GALNT13: variants seen among roughly 807,000 people sequenced by gnomAD.
GALNT13 encodes the protein UDP-GalNAc:polypeptide N-acetylgalactosaminyltransferase 13.
In GALNT13, 28 loss-of-function variants were observed where a neutral mutation model predicts 64.2. The ratio of observed to expected loss-of-function variants is 0.44; its 90% CI spans 0.32 to 0.60. The LOEUF is 0.60. Ranked by LOEUF, GALNT13 falls within the 20% of genes least tolerant of loss-of-function variation. The probability of loss-of-function intolerance (pLI) is 0.05; values close to 1 mark genes in which losing one functional copy is unlikely to be tolerated. For missense variants in GALNT13, 577 were observed against 669.8 expected, an observed-to-expected ratio of 0.86 and a Z score of 1.53; for synonymous variants, 214 against 224.6, an observed-to-expected ratio of 0.95 and a Z score of 0.42.
the GALNT13 span, among the ~76,000 whole-genome samples, chr2:153,365,774 G>A: frequency 1.3e-5 from 2 of 152,192 alleles, no homozygotes; most frequent in South Asian, 4.2e-4. Flanking sequence ...GGAGAAATAG[G>A]AACACTTACA....
chr2:154,180,139 C>T (rs1685874458), intron 4 of GALNT13, among the ~76,000 whole-genome samples: 2 of 152,128 alleles, frequency 1.3e-5, no homozygotes, highest in African/African-American at 4.8e-5. Flanking sequence ...GCATTGTAGG[C>T]ATCAGTGCCT....
chr2:153,861,836 C>T, the GALNT13 span, among the ~76,000 whole-genome samples: 1 of 152,110 alleles, frequency 6.6e-6, no homozygotes, highest in African/African-American at 2.4e-5. Flanking sequence ...GCCTCAGCAT[C>T]CCAAAGCACT....
intron 3 of GALNT13, among the ~76,000 whole-genome samples, chr2:154,057,666 A>T (rs1220258126): frequency 6.6e-6 from 1 of 152,202 alleles, no homozygotes; most frequent in Non-Finnish European, 1.5e-5. Context: ...GAGCAGCAAC[A>T]AAAGAGAGCA....
At chr2:153,238,956 G>A in the GALNT13 span, among the ~76,000 whole-genome samples, 1 of 151,968 alleles carries the variant, frequency 6.6e-6, no homozygotes, top group Non-Finnish European at 1.5e-5. Context: ...TAACAATATT[G>A]ATCCTTCCAA....
At chr2:153,914,281 C>T (rs374904451) in intron 2 of GALNT13, among the ~76,000 whole-genome samples, 1 of 151,948 alleles carries the variant, frequency 6.6e-6, no homozygotes, top group Non-Finnish European at 1.5e-5. Context: ...GTCAGGAGTT[C>T]GAGACCAGTC....
chr2:154,212,975 G>A (rs186126926), intron 4 of GALNT13, among the ~76,000 whole-genome samples: 5 of 152,120 alleles, frequency 3.3e-5, no homozygotes, highest in African/African-American at 9.7e-5. Context: ...CATTTGGGAT[G>A]TGGAAATCAA....
chr2:153,080,512 C>T, the GALNT13 span, among the ~76,000 whole-genome samples: 1 of 151,890 alleles, frequency 6.6e-6, no homozygotes, highest in African/African-American at 2.4e-5. Flanking sequence ...TGTATTAGTT[C>T]TAATTTTGGT....
the GALNT13 span, among the ~76,000 whole-genome samples, chr2:153,652,780 T>C: frequency 6.6e-6 from 1 of 152,190 alleles, no homozygotes; most frequent in African/African-American, 2.4e-5. Flanking sequence ...CTTCACCATC[T>C]GATGCAGAAT....
the GALNT13 span, among the ~76,000 whole-genome samples, chr2:153,245,790 A>T: frequency 6.6e-6 from 1 of 152,116 alleles, no homozygotes; most frequent in African/African-American, 2.4e-5. Flanking sequence ...AACTGGATGG[A>T]GAATGAGATT....
intron 2 of GALNT13, among the ~76,000 whole-genome samples, chr2:153,911,263 A>G (rs895092105): frequency 3.3e-5 from 5 of 152,110 alleles, no homozygotes. Flanking sequence ...TTTGCTTGGT[A>G]GACATTTCCC....
At chr2:153,224,222 C>T in the GALNT13 span, among the ~76,000 whole-genome samples, 2 of 151,922 alleles carry the variant, frequency 1.3e-5, no homozygotes, top group Non-Finnish European at 2.9e-5. Flanking sequence ...AACAGAAAAC[C>T]CAATACCTCA....
At chr2:153,653,590 A>G in the GALNT13 span, among the ~76,000 whole-genome samples, 6 of 152,186 alleles carry the variant, frequency 3.9e-5, no homozygotes, top group Admixed American at 1.3e-4. Flanking sequence ...TTGGTTTCCA[A>G]TGACCAAAGC....
chr2:153,769,408 C>T, the GALNT13 span, among the ~76,000 whole-genome samples: 1 of 152,048 alleles, frequency 6.6e-6, no homozygotes, highest in South Asian at 2.1e-4. Flanking sequence ...TAAAAATGAC[C>T]TCCTAAGCTA....
the GALNT13 span, among the ~76,000 whole-genome samples, chr2:153,825,208 T>C: frequency 1.3e-5 from 2 of 152,204 alleles, no homozygotes; most frequent in African/African-American, 4.8e-5. Context: ...AAGTCAAAGA[T>C]GCTGCTTAAT....
chr2:153,496,993 CAAAAAAA>C, the GALNT13 span, among the ~76,000 whole-genome samples: 443 of 90,860 alleles, frequency 4.9e-3, 4 homozygotes, highest in South Asian at 0.023. Flanking sequence ...GATTTTGTCT[CAAAAAAA>C]AAAAAAAAAA....
chr2:154,176,745 T>G (rs1685678299), intron 4 of GALNT13, among the ~76,000 whole-genome samples: 3 of 152,314 alleles, frequency 2.0e-5, no homozygotes, highest in Admixed American at 1.3e-4. Context: ...ATGGCTATTG[T>G]GCTATCCATA....
chr2:154,067,103 G>T (rs1212314723), intron 3 of GALNT13, among the ~76,000 whole-genome samples: 3 of 151,932 alleles, frequency 2.0e-5, no homozygotes, highest in African/African-American at 7.2e-5. Context: ...TGGGTTATAA[G>T]ATATTACTTG....
intron 3 of GALNT13, among the ~76,000 whole-genome samples, chr2:154,029,108 T>A (rs72995306): frequency 0.01 from 1,545 of 151,810 alleles, 30 homozygotes; most frequent in African/African-American, 0.035. Flanking sequence ...GAATTTGCAC[T>A]GCAGTCTTTT....
the GALNT13 span, among the ~76,000 whole-genome samples, chr2:153,455,147 C>T: frequency 2.0e-5 from 3 of 152,308 alleles, no homozygotes; most frequent in Middle Eastern, 3.4e-3. Context: ...GTGATGCTTG[C>T]ATTTTTTTCT....
Sources: gnomAD v4.1 joint callset for allele counts (sites outside exome capture counted in the v4.1 genomes callset) on GRCh38, gnomAD v4.1.1 for gene constraint, MANE v1.5 for transcripts, NCBI Gene and HGNC (gene_info 2026-07-23, HGNC 2026-07-21) for gene names.